Variants in IL1RAPL2 observed in about 807,000 individuals in gnomAD.
The protein encoded by IL1RAPL2 is interleukin 1 receptor accessory protein like 2.
In IL1RAPL2, 3 loss-of-function variants were observed where a neutral mutation model predicts 44.1. The ratio of observed to expected loss-of-function variants is 0.07; its 90% confidence interval spans 0.03 to 0.18. The LOEUF is 0.18. IL1RAPL2 is among the 10% of genes least tolerant of loss of function. IL1RAPL2 has a pLI of 1.00. For missense variants in IL1RAPL2, 391 were observed against 496.4 expected (o/e 0.79, Z 2.02); for synonymous variants, 181 against 178.8 (o/e 1.01, Z -0.10).
chrX:104,828,269 T>C (rs1459213902), intron 2 of IL1RAPL2, among the ~76,000 whole-genome samples: 1 of 112,429 alleles, frequency 8.9e-6, no homozygotes. Flanking sequence ...TGGATTTATC[T>C]ACCTTTCATC....
chrX:104,699,659 T>C (rs1931242715), intron 2 of IL1RAPL2, among the ~76,000 whole-genome samples: 1 of 112,047 alleles, frequency 8.9e-6, no homozygotes, highest in African/African-American at 3.2e-5. Context: ...ATTGATAGAT[T>C]ATGGCTGGCA....
At chrX:105,278,481 G>A (rs1022525845) in intron 5 of IL1RAPL2, among the ~76,000 whole-genome samples, 1 of 111,296 alleles carries the variant, frequency 9.0e-6, no homozygotes, top group Non-Finnish European at 1.9e-5. Context: ...CAGCCTGAAA[G>A]CAGTGGTTTG....
At chrX:104,906,578 C>G (rs1426668737) in intron 2 of IL1RAPL2, among the ~76,000 whole-genome samples, 1 of 111,856 alleles carries the variant, frequency 8.9e-6, no homozygotes, top group African/African-American at 3.2e-5. Flanking sequence ...TGGTTTTTGT[C>G]TTTGGCTCTG....
intron 3 of IL1RAPL2, chrX:105,219,805 G>T: frequency 8.8e-7 from 1 of 1,142,139 alleles, no homozygotes; most frequent in South Asian, 2.0e-5. Context: ...GGGCAAGGCG[G>T]GAGCACTAAG....
intron 6 of IL1RAPL2, among the ~76,000 whole-genome samples, chrX:105,542,282 T>A (rs1335535375): frequency 8.9e-6 from 1 of 112,012 alleles, no homozygotes; most frequent in South Asian, 3.7e-4. Flanking sequence ...AACACACAGC[T>A]TTATACTATT....
At chrX:104,876,447 C>T (rs1569331480) in intron 2 of IL1RAPL2, among the ~76,000 whole-genome samples, 1 of 111,405 alleles carries the variant, frequency 9.0e-6, no homozygotes, top group Non-Finnish European at 1.9e-5. Context: ...ATTATTTTTT[C>T]GTCTTTTCCC....
chrX:104,603,534 T>G (rs1454244718), intron 1 of IL1RAPL2, among the ~76,000 whole-genome samples: 3 of 111,496 alleles, frequency 2.7e-5, no homozygotes, highest in East Asian at 5.7e-4. Flanking sequence ...TCTAACCCAA[T>G]GCAAGGAAGT....
intron 5 of IL1RAPL2, among the ~76,000 whole-genome samples, chrX:105,310,724 A>G (rs1292532560): frequency 1.8e-5 from 2 of 111,853 alleles, no homozygotes; most frequent in Admixed American, 9.5e-5. Flanking sequence ...TGGTATATTT[A>G]GAAATGTGTT....
intron 5 of IL1RAPL2, among the ~76,000 whole-genome samples, chrX:105,398,007 C>T (rs1602393812): frequency 9.0e-6 from 1 of 111,026 alleles, no homozygotes; most frequent in East Asian, 2.8e-4. Context: ...TGTGACTAGA[C>T]CTTTTATACT....
chrX:104,616,879 C>G (rs1470033143), intron 1 of IL1RAPL2, among the ~76,000 whole-genome samples: 5 of 112,057 alleles, frequency 4.5e-5, no homozygotes, highest in African/African-American at 1.6e-4. Context: ...TTACCCTTTC[C>G]CTATTGCAGT....
At chrX:104,722,952 TGTAATG>T (rs1256033722) in intron 2 of IL1RAPL2, among the ~76,000 whole-genome samples, 1 of 111,388 alleles carries the variant, frequency 9.0e-6, no homozygotes, top group Non-Finnish European at 1.9e-5. Context: ...TAAGTTTAAT[TGTAATG>T]GTAATAATAA....
intron 7 of IL1RAPL2, among the ~76,000 whole-genome samples, chrX:105,727,892 G>T (rs1340186510): frequency 6.0e-4 from 67 of 111,154 alleles, no homozygotes; most frequent in Non-Finnish European, 1.9e-5. Flanking sequence ...GTAATTTTTA[G>T]AGCAGATTTA....
At chrX:105,424,690 C>T (rs921998461) in intron 5 of IL1RAPL2, among the ~76,000 whole-genome samples, 9 of 108,802 alleles carry the variant, frequency 8.3e-5, no homozygotes, top group African/African-American at 3.0e-4. Context: ...GAGGAGGTTG[C>T]AGTGAGTGGA....
chrX:104,914,629 A>G (rs867921926), intron 2 of IL1RAPL2, among the ~76,000 whole-genome samples: 3 of 110,701 alleles, frequency 2.7e-5, no homozygotes, highest in Admixed American at 1.9e-4. Context: ...GGTTAGTTAC[A>G]TATGTATACA....
Position 105,195,325 on chromosome X carries a change from A to G in IL1RAPL2, c.83-150A>G, listed in dbSNP as rs1364495027. 3.6e-5 allele frequency: 20 copies of G among 551,899 alleles called. No homozygotes were observed. In the African/African-American group the frequency reaches 4.4e-4, roughly 12 times the overall value. The allele number at this position is 551,899 out of a possible 1,213,427, so 45.5% of individuals were successfully genotyped here. A position where few individuals can be genotyped will look rare whatever the true frequency, so the allele number is the denominator to read the frequency against. On this transcript the variant is annotated intron_variant, in intron 2 of 10. Transcript: ENST00000372582. ...GGGCTGTGCTTACTAAGGTCTAAGC[A>G]AGATACAAGTCTATCTCATAGGATT... is the stretch of plus-strand genomic sequence containing the variant.
At chrX:104,656,818 T>C (rs989363191) in intron 1 of IL1RAPL2, among the ~76,000 whole-genome samples, 1 of 111,450 alleles carries the variant, frequency 9.0e-6, no homozygotes, top group African/African-American at 3.3e-5. Context: ...CTACGTCTCT[T>C]TGTAGGTCTC....
chrX:104,691,807 AC>A lies in IL1RAPL2; in HGVS notation c.82+32813del, dbSNP rs1243618739. On this transcript the variant is annotated intron_variant, in intron 2 of 10. Coordinates refer to ENST00000372582, the MANE Select transcript of IL1RAPL2 (RefSeq NM_017416.2). Reference sequence around the variant, plus strand: ...AGATAAGACTGGATCTTGGCATCTGACTTTTTGTTTTTTCAGTGGTAGTCTG... The same window carrying A: ...AGATAAGACTGGATCTTGGCATCTGATTTTTGTTTTTTCAGTGGTAGTCTG... 2.7e-5 allele frequency among the ~76,000 whole-genome samples: 3 copies of A among 111,386 alleles called. No homozygotes were observed. In the East Asian group the frequency reaches 8.5e-4, roughly 31 times the overall value.
Position 104,806,198 on chromosome X carries a change from A to C in IL1RAPL2, c.82+147203A>C, listed in dbSNP as rs190201784. 1.2e-4 allele frequency among the ~76,000 whole-genome samples: 13 copies of C among 112,265 alleles called. 1 individual carries two copies. The Admixed American group carries it at 1.2e-3, about 11-fold the overall frequency. The stretch of plus-strand genomic sequence containing the variant: ...TTTGCAGTTTAGATGGACAAGAGAA[A>C]GAAGGACATTCTGGGTGGGAATTCT... On this transcript the variant is annotated intron_variant, in intron 2 of 10. Transcript: ENST00000372582.
At chrX:104,963,110 C>A (rs1352444426) in intron 2 of IL1RAPL2, among the ~76,000 whole-genome samples, 1 of 111,740 alleles carries the variant, frequency 8.9e-6, no homozygotes, top group African/African-American at 3.3e-5. Flanking sequence ...CAAATAGTTT[C>A]CCTAATCAAG....
Sources: allele counts gnomAD v4.1 joint callset (sites outside exome capture counted in the v4.1 genomes callset), GRCh38; gene constraint gnomAD v4.1.1; transcripts MANE v1.5; gene names NCBI Gene and HGNC (gene_info 2026-07-23, HGNC 2026-07-21).